ATRNL1: variants seen among roughly 807,000 people sequenced by gnomAD.
ATRNL1 encodes attractin-like protein 1.
ATRNL1 carries 95 observed loss-of-function variants against 182.7 expected under a neutral mutation model. The observed-to-expected ratio is 0.52, with a 90% CI of 0.44 to 0.62. ATRNL1 has a LOEUF of 0.62. Ranked by LOEUF, ATRNL1 falls within the 20% of genes least tolerant of loss-of-function variation. The pLI is 0.00. For synonymous variants in ATRNL1, 576 were observed against 568.3 expected (o/e 1.01, Z -0.19); for missense variants, 1,471 against 1,679.5 (o/e 0.88, Z 2.17).
chr10:115,095,449 T>C (rs1228966688), intron 1 of ATRNL1, among the ~76,000 whole-genome samples: 1 of 151,948 alleles, frequency 6.6e-6, no homozygotes, highest in Non-Finnish European at 1.5e-5. Flanking sequence ...ATTTTTAAAA[T>C]GGCACTTTAA....
At chr10:115,240,038 G>A (rs1436303326) in intron 9 of ATRNL1, among the ~76,000 whole-genome samples, 1 of 152,118 alleles carries the variant, frequency 6.6e-6, no homozygotes, top group Non-Finnish European at 1.5e-5. Context: ...GTGTGAGGCA[G>A]GCGTGAGGGG....
intron 24 of ATRNL1, among the ~76,000 whole-genome samples, chr10:115,497,355 A>G (rs1289482582): frequency 6.6e-6 from 1 of 152,186 alleles, no homozygotes; most frequent in East Asian, 1.9e-4. Flanking sequence ...ATCTAAGTGC[A>G]GAGTGCAAAA....
At chr10:115,850,339 G>C (rs1247542337) in intron 28 of ATRNL1, among the ~76,000 whole-genome samples, 1 of 152,144 alleles carries the variant, frequency 6.6e-6, no homozygotes, top group Non-Finnish European at 1.5e-5. Flanking sequence ...AAAAAAGGCA[G>C]TATCTGTAGA....
intron 27 of ATRNL1, among the ~76,000 whole-genome samples, chr10:115,730,937 C>T (rs1253429032): frequency 6.6e-6 from 1 of 152,098 alleles, no homozygotes; most frequent in Admixed American, 6.6e-5. Flanking sequence ...GTCCAGTGTT[C>T]GAGGGCAGGA....
chr10:115,705,447 T>G (rs1384750580), intron 26 of ATRNL1, among the ~76,000 whole-genome samples: 1 of 151,984 alleles, frequency 6.6e-6, no homozygotes, highest in African/African-American at 2.4e-5. Flanking sequence ...TTCATTTTTT[T>G]ATACTTAGTG....
intron 27 of ATRNL1, among the ~76,000 whole-genome samples, chr10:115,739,537 A>G: frequency 6.6e-6 from 1 of 152,222 alleles, no homozygotes; most frequent in East Asian, 1.9e-4. Flanking sequence ...TCCTGCACCC[A>G]AGAACATTCC....
intron 9 of ATRNL1, among the ~76,000 whole-genome samples, chr10:115,221,830 G>A (rs1849478818): frequency 6.6e-6 from 1 of 152,000 alleles, no homozygotes; most frequent in African/African-American, 2.4e-5. Flanking sequence ...ATTAGATTAT[G>A]GTGAAATGCC....
intron 26 of ATRNL1, among the ~76,000 whole-genome samples, chr10:115,581,157 G>C (rs1447539167): frequency 6.6e-6 from 1 of 152,122 alleles, no homozygotes; most frequent in Non-Finnish European, 1.5e-5. Context: ...TGTGTTATCA[G>C]ACTAGTGTCT....
intron 9 of ATRNL1, among the ~76,000 whole-genome samples, chr10:115,225,389 A>G (rs1849650078): frequency 6.6e-6 from 1 of 151,086 alleles, no homozygotes; most frequent in Admixed American, 6.6e-5. Flanking sequence ...CTTTCCCTCT[A>G]AGATTGGGAA....
intron 27 of ATRNL1, among the ~76,000 whole-genome samples, chr10:115,776,907 A>T (rs910513706): frequency 3.0e-4 from 45 of 152,330 alleles, no homozygotes; most frequent in Admixed American, 1.6e-3. Flanking sequence ...CTGTAATCCC[A>T]GCACTTTGGG....
At chr10:115,336,717 A>G (rs115789574) in intron 19 of ATRNL1, among the ~76,000 whole-genome samples, 1,965 of 152,300 alleles carry the variant, frequency 0.013, 38 homozygotes, top group African/African-American at 0.044. Context: ...TAATTTACTT[A>G]ATATATTTCT....
chr10:115,555,548 T>G (rs1234948187), intron 26 of ATRNL1, among the ~76,000 whole-genome samples: 1 of 151,970 alleles, frequency 6.6e-6, no homozygotes, highest in East Asian at 1.9e-4. Flanking sequence ...TAAATTAGTT[T>G]ATTCCTTCAA....
chr10:115,168,051 A>G (rs1252385759), intron 7 of ATRNL1, among the ~76,000 whole-genome samples: 1 of 152,176 alleles, frequency 6.6e-6, no homozygotes, highest in Non-Finnish European at 1.5e-5. Context: ...ATATTGGTCC[A>G]TGCTGGACAT....
At chr10:115,677,771 A>C (rs1449274282) in intron 26 of ATRNL1, among the ~76,000 whole-genome samples, 2 of 151,956 alleles carry the variant, frequency 1.3e-5, no homozygotes, top group African/African-American at 4.8e-5. Flanking sequence ...CAGAGGAGGG[A>C]GAGAATAGGG....
intron 26 of ATRNL1, among the ~76,000 whole-genome samples, chr10:115,588,884 G>A (rs1187945272): frequency 6.6e-6 from 1 of 152,170 alleles, no homozygotes; most frequent in African/African-American, 2.4e-5. Context: ...ATGTCCTTGG[G>A]ACAGAATGGT....
chr10:115,831,749 G>A (rs1274164511), intron 27 of ATRNL1, among the ~76,000 whole-genome samples: 36 of 122,212 alleles, frequency 2.9e-4, no homozygotes, highest in Non-Finnish European at 1.0e-4. Flanking sequence ...TCACATAGTA[G>A]CTGCAAGAGT....
At chr10:115,182,456 A>G (rs1847785540) in intron 8 of ATRNL1, among the ~76,000 whole-genome samples, 1 of 151,654 alleles carries the variant, frequency 6.6e-6, no homozygotes, top group Non-Finnish European at 1.5e-5. Context: ...ATGCATTATA[A>G]TACATACACA....
At chr10:115,797,759 TAAG>T (rs1419236245) in intron 27 of ATRNL1, among the ~76,000 whole-genome samples, 1 of 152,116 alleles carries the variant, frequency 6.6e-6, no homozygotes, top group African/African-American at 2.4e-5. Flanking sequence ...AAGCCTTCAC[TAAG>T]AAGATGACAT....
intron 28 of ATRNL1, among the ~76,000 whole-genome samples, chr10:115,864,710 C>T (rs1253969956): frequency 3.9e-5 from 6 of 152,236 alleles, no homozygotes; most frequent in South Asian, 2.1e-4. Flanking sequence ...AGGCCGGGCG[C>T]GGTGGCTCAC....
Sources: allele counts gnomAD v4.1 joint callset (sites outside exome capture counted in the v4.1 genomes callset), GRCh38; gene constraint gnomAD v4.1.1; transcripts MANE v1.5; gene names NCBI Gene and HGNC (gene_info 2026-07-23, HGNC 2026-07-21).